BCAR3: variants seen among roughly 807,000 people sequenced by gnomAD.
BCAR3 encodes BCAR3 adaptor protein, NSP family member.
A neutral mutation model predicts 80.1 loss-of-function variants in BCAR3; 37 were observed. The observed-to-expected ratio is 0.46, with a 90% CI of 0.36 to 0.61. BCAR3 has a LOEUF of 0.61. Among genes scored for constraint, BCAR3 ranks in the 20% least tolerant of loss-of-function variants. The probability of loss-of-function intolerance (pLI) is 0.00; values close to 1 mark genes in which losing one functional copy is unlikely to be tolerated. For missense variants in BCAR3, 978 were observed against 1,068.2 expected (o/e 0.92, Z 1.18); for synonymous variants, 389 against 418.9 (o/e 0.93, Z 0.87).
At chr1:93,806,849 G>A (rs753149550) in intron 2 of BCAR3, among the ~76,000 whole-genome samples, 11 of 152,104 alleles carry the variant, frequency 7.2e-5, no homozygotes, top group Admixed American at 2.0e-4. Flanking sequence ...TGGGCATGGC[G>A]GCTCATACCT....
intron 2 of BCAR3, among the ~76,000 whole-genome samples, chr1:93,714,563 C>T (rs771452061): frequency 1.3e-5 from 2 of 152,204 alleles, no homozygotes; most frequent in Non-Finnish European, 2.9e-5. Flanking sequence ...TTCAAAATCC[C>T]TGAGGAATCT....
intron 1 of BCAR3, chr1:93,846,897 G>T: frequency 2.2e-6 from 1 of 459,280 alleles, no homozygotes. Context: ...GGGTCTGTGG[G>T]GAGCGAAATG....
At chr1:93,731,317 A>C (rs1163025994) in intron 2 of BCAR3, among the ~76,000 whole-genome samples, 2 of 152,242 alleles carry the variant, frequency 1.3e-5, no homozygotes, top group Non-Finnish European at 2.9e-5. Flanking sequence ...TAATTGTGAC[A>C]AATATTCCAT....
At chr1:93,757,987 C>T (rs2100721111) in intron 2 of BCAR3, among the ~76,000 whole-genome samples, 1 of 152,246 alleles carries the variant, frequency 6.6e-6, no homozygotes, top group Non-Finnish European at 1.5e-5. Flanking sequence ...GCTCTGAAGC[C>T]AAGTTGGCCC....
In BCAR3 at chr1:93,691,071, C is replaced by T. The variant is rs530410296; in HGVS notation, c.-12+15021G>A. Among the ~76,000 whole-genome samples, 3 of 152,302 alleles carry T rather than the reference C, an allele frequency of 2.0e-5. No individual in the cohort carries two copies. In the South Asian group the frequency reaches 6.2e-4, roughly 32 times the overall value. Reference sequence around the variant, plus strand: ...CATTCTGGGGTAAAATATCACTATACTCAGGAGGAGAATATGGAGCCTCAG... The same window carrying T: ...CATTCTGGGGTAAAATATCACTATATTCAGGAGGAGAATATGGAGCCTCAG... On this transcript the variant is annotated intron_variant, in intron 3 of 13. Transcript: ENST00000370244.
In BCAR3 at chr1:93,592,240, C is replaced by T. The variant is rs956340873; in HGVS notation, c.486+25G>A. 4.3e-6 allele frequency: 7 copies of T among 1,613,078 alleles called. No individual in the cohort carries two copies. The highest frequency in any genetic ancestry group is 1.1e-5 in the South Asian group (1 of 91,068). On this transcript the variant is annotated intron_variant, in intron 4 of 11. Coordinates refer to ENST00000260502, the MANE Select transcript of BCAR3 (RefSeq NM_003567.4). This position sits in a 1 kb window ranked among gnomAD's most constrained non-coding sequence, Gnocchi z 4.8. ...CATTGCCTGAGAGCAGCCGTGTATG[C>T]TCTGGAAGGGACAAGACCAGGTACC... is the stretch of plus-strand genomic sequence containing the variant.
chr1:93,742,209 G>C (rs1651204033), intron 2 of BCAR3, among the ~76,000 whole-genome samples: 1 of 152,194 alleles, frequency 6.6e-6, no homozygotes, highest in African/African-American at 2.4e-5. Context: ...CTAACCAGAA[G>C]ACTTAGGAAT....
intron 3 of BCAR3, among the ~76,000 whole-genome samples, chr1:93,597,824 A>T (rs1243724939): frequency 6.6e-6 from 1 of 152,198 alleles, no homozygotes; most frequent in Non-Finnish European, 1.5e-5. Context: ...GCTGCCTGCC[A>T]CAAGTTTCTT....
intron 2 of BCAR3, among the ~76,000 whole-genome samples, chr1:93,670,914 T>C (rs1022643501): frequency 3.3e-5 from 5 of 152,262 alleles, no homozygotes; most frequent in African/African-American, 1.2e-4. Flanking sequence ...AGTTTTAAGG[T>C]CAAAGAGGAG....
chr1:93,586,533 T>C lies in BCAR3; in HGVS notation c.930-2412A>G, dbSNP rs1389947122. Among the ~76,000 whole-genome samples, 1 of 152,202 alleles carries C rather than the reference T, an allele frequency of 6.6e-6. No homozygotes were observed. Among genetic ancestry groups the C allele is most frequent in the Non-Finnish European group, 1.5e-5 (1 of 68,040 alleles). On this transcript the variant is annotated intron_variant, in intron 5 of 11. Transcript: ENST00000260502. The surrounding 1 kb of genome is among the most constrained non-coding windows in gnomAD (Gnocchi z 4.2). ...CATTGGTGCAGGTATCTCTTTGATA[T>C]ACTGATTTCCACTCTTCTGGGTATA...
At chr1:93,760,246 G>A (rs1365785651) in intron 2 of BCAR3, among the ~76,000 whole-genome samples, 5 of 152,142 alleles carry the variant, frequency 3.3e-5, no homozygotes, top group Non-Finnish European at 7.3e-5. Context: ...GGAAGGGAGG[G>A]TTGAAAAGAA....
intron 2 of BCAR3, among the ~76,000 whole-genome samples, chr1:93,714,989 C>T (rs1056592880): frequency 2.0e-5 from 3 of 152,166 alleles, no homozygotes; most frequent in Admixed American, 2.0e-4. Context: ...CCTCTGGGTA[C>T]CTTTCCTAAG....
intron 2 of BCAR3, among the ~76,000 whole-genome samples, chr1:93,647,898 G>A (rs558859493): frequency 1.3e-5 from 2 of 151,952 alleles, no homozygotes; most frequent in South Asian, 4.2e-4. Flanking sequence ...TTAGCCTCCT[G>A]AGTAGCTGGG....
chr1:93,833,957 AT>A (rs1345229988), intron 2 of BCAR3, among the ~76,000 whole-genome samples: 5 of 152,164 alleles, frequency 3.3e-5, no homozygotes, highest in Admixed American at 3.3e-4. Context: ...CAAAATTTAC[AT>A]TCAGAGATTG....
intron 2 of BCAR3, among the ~76,000 whole-genome samples, chr1:93,747,510 G>A (rs964706462): frequency 1.3e-5 from 2 of 151,516 alleles, no homozygotes; most frequent in Non-Finnish European, 2.9e-5. Flanking sequence ...GAGATTAAAC[G>A]AACCTTGAAC....
chr1:93,677,088 A>G (rs1201538915), intron 1 of BCAR3, among the ~76,000 whole-genome samples: 1 of 152,258 alleles, frequency 6.6e-6, no homozygotes, highest in African/African-American at 2.4e-5. Flanking sequence ...ACCTGGAGAA[A>G]CAAAGATGCC....
At chr1:93,581,155 C>T (rs1673690330) in intron 7 of BCAR3, among the ~76,000 whole-genome samples, 1 of 149,616 alleles carries the variant, frequency 6.7e-6, no homozygotes, top group African/African-American at 2.5e-5. Flanking sequence ...GAGTGAGACC[C>T]TGTCTCAGAA....
chr1:93,716,432 C>T (rs373293143), intron 2 of BCAR3, among the ~76,000 whole-genome samples: 2 of 152,302 alleles, frequency 1.3e-5, no homozygotes, highest in South Asian at 4.1e-4. Flanking sequence ...GCTCAAAACC[C>T]ACTGAAGCTC....
intron 7 of BCAR3, among the ~76,000 whole-genome samples, chr1:93,580,402 C>T (rs908469814): frequency 3.3e-5 from 5 of 151,992 alleles, no homozygotes; most frequent in South Asian, 4.2e-4. Context: ...AAAGATGGAC[C>T]GAGCCCACCA....
Sources: gnomAD v4.1 joint callset for allele counts (sites outside exome capture counted in the v4.1 genomes callset) on GRCh38, gnomAD v4.1.1 for gene constraint, Gnocchi (gnomAD v3.1) non-coding constraint, MANE v1.5 for transcripts, NCBI Gene and HGNC (gene_info 2026-07-23, HGNC 2026-07-21) for gene names.